Variants in SLC38A4 observed in about 807,000 individuals in gnomAD.
The protein encoded by SLC38A4 is sodium-coupled neutral amino acid transporter 4.
SLC38A4 carries 20 observed loss-of-function variants against 63.1 expected under a neutral mutation model. That is an observed-to-expected ratio of 0.32 (90% CI 0.22 to 0.46). The LOEUF is 0.46. Among genes scored for constraint, SLC38A4 ranks in the 20% least tolerant of loss-of-function variants. The pLI is 1.00. For synonymous variants in SLC38A4, 230 were observed against 225.5 expected (o/e 1.02, Z -0.18); for missense variants, 526 against 663.6 (o/e 0.79, Z 2.28).
chr12:46,828,619 A>G (rs116842120), upstream of SLC38A4, among the ~76,000 whole-genome samples: 4,247 of 152,302 alleles, frequency 0.028, 93 homozygotes, highest in South Asian at 0.07. Flanking sequence ...CACGGTGCCC[A>G]GCCTTTTCCC....
At chr12:46,813,756 G>C (rs997577965) in intron 1 of SLC38A4, among the ~76,000 whole-genome samples, 8 of 151,980 alleles carry the variant, frequency 5.3e-5, no homozygotes, top group Admixed American at 1.3e-4. Flanking sequence ...CTTTGGGCAA[G>C]TTATTTGCCA....
At position 46,782,039 on chromosome 12, in the gene SLC38A4, T is replaced by C. The variant is rs144293911; in HGVS notation, c.494-2009A>G. Among the ~76,000 whole-genome samples the C allele has an allele frequency of 7.7e-3, 1,172 of 152,150 alleles. 13 individuals are homozygous for C. The highest frequency in any genetic ancestry group is 0.026 in the African/African-American group (1,096 of 41,540). On this transcript the variant is annotated intron_variant, in intron 7 of 16. Coordinates refer to ENST00000266579, the MANE Select transcript of SLC38A4 (RefSeq NM_018018.5). The stretch of plus-strand genomic sequence containing the variant: ...TAAAATGAATGAGACAATTTTGATA[T>C]TACTGTCAAATTCTACCCAAGATTG...
At position 46,766,488 on chromosome 12, in the gene SLC38A4, A is replaced by G. The variant is rs753863865; in HGVS notation, c.*213T>C. The G allele has an allele frequency of 2.3e-5, 15 of 648,208 alleles. No homozygotes were observed. Among genetic ancestry groups the G allele is most frequent in the Middle Eastern group, 4.9e-4 (2 of 4,088 alleles). 40.2% of individuals were successfully genotyped at this position (648,208 alleles called of 1,614,324 possible). A position where few individuals can be genotyped will look rare whatever the true frequency, so the allele number is the denominator to read the frequency against. Reference sequence around the variant, plus strand: ...TAGCAAAACCTGGGTAGAAATGTGCACCACAGGTTTTATTTTAAACACATA... The same window carrying G: ...TAGCAAAACCTGGGTAGAAATGTGCGCCACAGGTTTTATTTTAAACACATA... On this transcript the variant is annotated 3_prime_UTR_variant, in exon 17 of 17. Transcript: ENST00000266579.
At chr12:46,811,789 T>G (rs1431419821) in intron 1 of SLC38A4, among the ~76,000 whole-genome samples, 7 of 152,014 alleles carry the variant, frequency 4.6e-5, no homozygotes, top group Non-Finnish European at 2.9e-5. Context: ...TGCTTTGTGT[T>G]TGGACCATCA....
At chr12:46,777,391 C>T (rs1418609447) in intron 12 of SLC38A4, among the ~76,000 whole-genome samples, 1 of 151,936 alleles carries the variant, frequency 6.6e-6, no homozygotes, top group Non-Finnish European at 1.5e-5. Context: ...CAGCAAAGTA[C>T]TACTGCCAGG....
rs1938304663 is a variant in SLC38A4 at position 46,766,572 on chromosome 12, A to G, written c.*129T>C. 1 of 745,510 alleles carries G rather than the reference A, an allele frequency of 1.3e-6. No homozygotes were observed. Among genetic ancestry groups the G allele is most frequent in the African/African-American group, 1.7e-5 (1 of 57,760 alleles). The allele number at this position is 745,510 out of a possible 1,614,324, so 46.2% of individuals were successfully genotyped here. On this transcript the variant is annotated 3_prime_UTR_variant, in exon 17 of 17. Coordinates refer to ENST00000266579, the MANE Select transcript of SLC38A4 (RefSeq NM_018018.5). ...TCTTCTGCAGGTGCCTGGTGATATT[A>G]CTGGTAAACGTCTTTGGAATCTTCC...
chr12:46,831,538 G>A (rs1199752494), intron 1 of SLC38A4, among the ~76,000 whole-genome samples: 1 of 152,184 alleles, frequency 6.6e-6, no homozygotes, highest in African/African-American at 2.4e-5. Context: ...GCGGTAAGCC[G>A]CCCTCGGAAC....
chr12:46,785,943 A>T lies in SLC38A4; in HGVS notation c.327-766T>A, dbSNP rs548770869. Among the ~76,000 whole-genome samples, 591 of 151,952 alleles carry T rather than the reference A, an allele frequency of 3.9e-3. 1 individual carries two copies. The highest frequency in any genetic ancestry group is 5.4e-3 in the Non-Finnish European group (367 of 67,920). On this transcript the variant is annotated intron_variant, in intron 5 of 16. Coordinates refer to ENST00000266579, the MANE Select transcript of SLC38A4 (RefSeq NM_018018.5). The stretch of plus-strand genomic sequence containing the variant: ...CTTTTACCTGGAATTCAGAAAAAAA[A>T]TCTTTATCTTTGTTTATTTTTAAAA...
rs765719391 is a variant in SLC38A4, at chr12:46,775,191, G to A, written c.1175-18C>T. On this transcript the variant is annotated intron_variant, in intron 13 of 16. Transcript: ENST00000266579. ...AACTTCTCCTACAACAGGAAAAAGA[G>A]AATGAAACCGCTTGGTGTTGTCAAA... 19 of 1,608,556 alleles carry A rather than the reference G, an allele frequency of 1.2e-5. No individual in the cohort carries two copies. The South Asian group carries it at 1.4e-4, about 12-fold the overall frequency.
At chr12:46,804,606 A>G (rs1003627872) in intron 1 of SLC38A4, among the ~76,000 whole-genome samples, 14 of 152,196 alleles carry the variant, frequency 9.2e-5, no homozygotes, top group African/African-American at 2.6e-4. Context: ...AGAAAACTAA[A>G]CATTGCTCCT....
In SLC38A4 at chr12:46,785,087, C is replaced by T; in HGVS notation, c.400+17G>A. On this transcript the variant is annotated intron_variant, in intron 6 of 16. Transcript: ENST00000266579. Reference sequence around the variant, plus strand: ...GAGAATTAAAATAGAATGTGTTGGACTCAAGTGGTAGCATACCTCCTTCCT... The same window carrying T: ...GAGAATTAAAATAGAATGTGTTGGATTCAAGTGGTAGCATACCTCCTTCCT... 6.3e-7 allele frequency: 1 copy of T among 1,587,432 alleles called. No homozygotes were observed. Among genetic ancestry groups the T allele is most frequent in the Non-Finnish European group, 8.6e-7 (1 of 1,156,270 alleles).
chr12:46,789,247 C>T (rs1938830356), intron 3 of SLC38A4, among the ~76,000 whole-genome samples: 1 of 151,196 alleles, frequency 6.6e-6, no homozygotes, highest in Non-Finnish European at 1.5e-5. Flanking sequence ...ACATACATCT[C>T]TTACTGGAAA....
intron 1 of SLC38A4, among the ~76,000 whole-genome samples, chr12:46,807,359 A>G (rs1200437417): frequency 6.6e-6 from 1 of 151,870 alleles, no homozygotes; most frequent in Non-Finnish European, 1.5e-5. Context: ...GTTACCTTTT[A>G]CCGTAGATTC....
intron 11 of SLC38A4, 38 bp downstream of exon 11, chr12:46,778,463 A>G (rs755776520): frequency 6.2e-7 from 1 of 1,610,000 alleles, no homozygotes; most frequent in Non-Finnish European, 8.5e-7. Context: ...TAGAAAACAC[A>G]TAACTGTACT....
chr12:46,779,614 A>G lies in SLC38A4; in HGVS notation c.714T>C (p.Ser238=). The part of the protein sequence containing the change: ...FSLTCMVFFV[S]VVIYKKFQIP... ...ATCATGTCATCACATCACTTACCAC[A>G]CTAACAAAAAACACCATGCAGGTAA... Residue 238 remains serine (S), a synonymous_variant, in exon 10 of 17, where the codon AGT becomes AGC. Transcript: ENST00000266579. The G allele has an allele frequency of 6.2e-7, 1 of 1,602,650 alleles. No individual in the cohort carries two copies. Among genetic ancestry groups the G allele is most frequent in the Non-Finnish European group, 8.5e-7 (1 of 1,176,490 alleles).
intron 1 of SLC38A4, among the ~76,000 whole-genome samples, chr12:46,812,634 A>G (rs1425888382): frequency 6.6e-6 from 1 of 152,074 alleles, no homozygotes; most frequent in African/African-American, 2.4e-5. Flanking sequence ...AAAAATGTAC[A>G]CATTCTTTTA....
chr12:46,820,642 G>A (rs2120919698), intron 1 of SLC38A4, among the ~76,000 whole-genome samples: 1 of 152,210 alleles, frequency 6.6e-6, no homozygotes, highest in Non-Finnish European at 1.5e-5. Context: ...GAACATAGGA[G>A]TGCAGGTATC....
intron 13 of SLC38A4, among the ~76,000 whole-genome samples, chr12:46,776,473 A>G (rs1345444856): frequency 6.6e-6 from 1 of 152,034 alleles, no homozygotes; most frequent in Non-Finnish European, 1.5e-5. Context: ...ATTTGACTTG[A>G]CTGGTAAAGA....
chr12:46,768,705 G>A (rs1053307565), intron 15 of SLC38A4, among the ~76,000 whole-genome samples: 1 of 151,974 alleles, frequency 6.6e-6, no homozygotes, highest in African/African-American at 2.4e-5. Flanking sequence ...TACATACTAA[G>A]GTGGCTGAAC....
Sources: allele counts gnomAD v4.1 joint callset (sites outside exome capture counted in the v4.1 genomes callset), GRCh38; gene constraint gnomAD v4.1.1; transcripts MANE v1.5; gene names NCBI Gene and HGNC (gene_info 2026-07-23, HGNC 2026-07-21).